The following PTN variants were observed in gnomAD, a reference collection of about 807,000 sequenced individuals.
PTN encodes heparin affin regulatory protein.
PTN carries 18 observed loss-of-function variants against 24.1 expected under a neutral mutation model. That is an observed-to-expected ratio of 0.75 (90% CI 0.52 to 1.11). The LOEUF is 1.11. Ranked by LOEUF, PTN falls within the 50% of genes least tolerant of loss-of-function variation. The probability of loss-of-function intolerance (pLI) is 0.00; values close to 1 mark genes in which losing one functional copy is unlikely to be tolerated. For synonymous variants in PTN, 78 were observed against 68.6 expected, an observed-to-expected ratio of 1.14 and a Z score of -0.67; for missense variants, 163 against 198.8, an observed-to-expected ratio of 0.82 and a Z score of 1.08.
chr7:137,278,917 G>A (rs1313476131), intron 1 of PTN, among the ~76,000 whole-genome samples: 4 of 148,576 alleles, frequency 2.7e-5, no homozygotes, highest in Non-Finnish European at 4.5e-5. Flanking sequence ...CTCCAGCCTG[G>A]GTGACAAAGT....
At chr7:137,237,526 A>G (rs1808545160) in intron 4 of PTN, among the ~76,000 whole-genome samples, 2 of 152,120 alleles carry the variant, frequency 1.3e-5, no homozygotes, top group South Asian at 4.1e-4. Flanking sequence ...GTTTATTGTT[A>G]TTTTTAAATT....
intron 1 of PTN, among the ~76,000 whole-genome samples, chr7:137,267,108 G>C (rs895359120): frequency 6.6e-6 from 1 of 151,998 alleles, no homozygotes; most frequent in Non-Finnish European, 1.5e-5. Context: ...AAGGAATCAG[G>C]TATATTGTAT....
At chr7:137,330,401 A>G (rs1810332720) in intron 1 of PTN, among the ~76,000 whole-genome samples, 1 of 152,298 alleles carries the variant, frequency 6.6e-6, no homozygotes, top group Non-Finnish European at 1.5e-5. Context: ...TTCTGAACTG[A>G]AACAGAATGT....
chr7:137,310,839 T>G (rs562174563), intron 1 of PTN, among the ~76,000 whole-genome samples: 2 of 152,310 alleles, frequency 1.3e-5, no homozygotes, highest in South Asian at 4.2e-4. Flanking sequence ...ACTTGCACTT[T>G]TATATTATGG....
chr7:137,280,725 A>AAAAAAAAAAAAAAAAAAAAT (rs71176392), intron 1 of PTN, among the ~76,000 whole-genome samples: 5 of 138,396 alleles, frequency 3.6e-5, no homozygotes, highest in South Asian at 2.3e-4. Flanking sequence ...AAAAAAAAAA[A>AAAAAAAAAAAAAAAAAAAAT]GCTGAGTGTG....
intron 4 of PTN, among the ~76,000 whole-genome samples, chr7:137,244,393 TTTTTTAC>T: frequency 6.6e-6 from 1 of 151,626 alleles, no homozygotes; most frequent in Admixed American, 6.6e-5. Context: ...TTTTTTTTTT[TTTTTTAC>T]TTTAAGTTCT....
intron 1 of PTN, among the ~76,000 whole-genome samples, chr7:137,267,439 C>G (rs184467761): frequency 2.6e-5 from 4 of 152,084 alleles, no homozygotes; most frequent in African/African-American, 4.8e-5. Context: ...TGTCTATGTA[C>G]GGAAACTGGT....
Position 137,329,769 on chromosome 7 carries a change from A to T in PTN, c.-2+13670T>A, listed in dbSNP as rs190877492. 5.1e-3 allele frequency among the ~76,000 whole-genome samples: 783 copies of T among 152,316 alleles called. 5 individuals are homozygous for T. The highest frequency in any genetic ancestry group is 7.2e-3 in the Non-Finnish European group (487 of 68,026). On this transcript the variant is annotated intron_variant, in intron 1 of 4. Coordinates refer to ENST00000348225, the MANE Select transcript of PTN (RefSeq NM_002825.7). ...GGATTGAGTACTATCTGCAACTGGC[A>T]TATAGTGGGTACTCCATCATTTTCA...
chr7:137,271,229 CAAACA>C (rs1809266402), intron 1 of PTN, among the ~76,000 whole-genome samples: 1 of 152,062 alleles, frequency 6.6e-6, no homozygotes, highest in Non-Finnish European at 1.5e-5. Context: ...GAATTAAAAA[CAAACA>C]AATCAAGAAA....
At chr7:137,261,524 C>T (rs1359117154) in intron 1 of PTN, among the ~76,000 whole-genome samples, 1 of 152,104 alleles carries the variant, frequency 6.6e-6, no homozygotes, top group Non-Finnish European at 1.5e-5. Context: ...ACATTTTAGT[C>T]ATTACATACT....
chr7:137,294,777 A>G (rs1291408122), intron 1 of PTN, among the ~76,000 whole-genome samples: 2 of 152,176 alleles, frequency 1.3e-5, no homozygotes, highest in Non-Finnish European at 2.9e-5. Context: ...CGCCATTTCC[A>G]TTAGCCAAAT....
At chr7:137,314,632 G>A (rs1209378838) in intron 1 of PTN, among the ~76,000 whole-genome samples, 59 of 35,802 alleles carry the variant, frequency 1.6e-3, no homozygotes, top group Admixed American at 2.4e-3. Flanking sequence ...TCGCCCTCTC[G>A]CCCATGCTGA....
intron 1 of PTN, among the ~76,000 whole-genome samples, chr7:137,265,244 A>G (rs1461340145): frequency 1.3e-5 from 2 of 152,218 alleles, no homozygotes; most frequent in Non-Finnish European, 2.9e-5. Context: ...GGAGAGTCGA[A>G]AGACCTATAA....
intron 1 of PTN, among the ~76,000 whole-genome samples, chr7:137,282,117 C>G (rs185324672): frequency 1.1e-3 from 161 of 152,272 alleles, no homozygotes; most frequent in Non-Finnish European, 1.2e-3. Context: ...TTTAAATGTT[C>G]TAGAAGCTCA....
chr7:137,322,871 A>G (rs1810187290), intron 1 of PTN, among the ~76,000 whole-genome samples: 1 of 152,218 alleles, frequency 6.6e-6, no homozygotes, highest in Non-Finnish European at 1.5e-5. Flanking sequence ...TACTGCCAGC[A>G]TCAATTCCCT....
chr7:137,264,063 AC>A (rs1246836304), intron 1 of PTN, among the ~76,000 whole-genome samples: 5 of 152,122 alleles, frequency 3.3e-5, no homozygotes, highest in African/African-American at 1.2e-4. Flanking sequence ...AATATTTGAA[AC>A]TTTTAGAACC....
At chr7:137,323,320 G>C (rs1810196959) in intron 1 of PTN, among the ~76,000 whole-genome samples, 1 of 152,166 alleles carries the variant, frequency 6.6e-6, no homozygotes, top group Non-Finnish European at 1.5e-5. Flanking sequence ...TGTAGATTGA[G>C]CAGCTAGCAG....
chr7:137,288,670 A>G (rs1563213458), intron 1 of PTN, among the ~76,000 whole-genome samples: 1 of 152,212 alleles, frequency 6.6e-6, no homozygotes, highest in Non-Finnish European at 1.5e-5. Flanking sequence ...TTTGGCTAAG[A>G]TCAAGTGTAG....
intron 1 of PTN, among the ~76,000 whole-genome samples, chr7:137,279,066 T>C (rs931044638): frequency 6.6e-6 from 1 of 151,330 alleles, no homozygotes; most frequent in East Asian, 1.9e-4. Context: ...AAAAAGTCAG[T>C]ATGAATGAAC....
Sources: gnomAD v4.1 joint callset for allele counts (sites outside exome capture counted in the v4.1 genomes callset) on GRCh38, gnomAD v4.1.1 for gene constraint, MANE v1.5 for transcripts, NCBI Gene and HGNC (gene_info 2026-07-23, HGNC 2026-07-21) for gene names.